The following EPHA6 variants were observed in gnomAD, a reference collection of about 807,000 sequenced individuals.
EPHA6 encodes ephrin type-A receptor 6.
A neutral mutation model predicts 112.0 loss-of-function variants in EPHA6; 50 were observed. The observed-to-expected ratio is 0.45, with a 90% CI of 0.36 to 0.56. The LOEUF (loss-of-function observed/expected upper bound fraction) is 0.56. EPHA6 is among the 20% of genes least tolerant of loss of function. EPHA6 has a pLI of 0.00. For missense variants in EPHA6, 1,280 were observed against 1,417.4 expected (o/e 0.90, Z 1.56); for synonymous variants, 529 against 490.7 (o/e 1.08, Z -1.03).
chr3:97,138,487 G>C (rs911870960), intron 3 of EPHA6, among the ~76,000 whole-genome samples: 1 of 152,150 alleles, frequency 6.6e-6, no homozygotes, highest in Non-Finnish European at 1.5e-5. Context: ...CTGCCTGCCT[G>C]GTCATTCCTG....
chr3:97,224,230 GAC>G (rs1463596952), intron 3 of EPHA6, among the ~76,000 whole-genome samples: 1 of 152,002 alleles, frequency 6.6e-6, no homozygotes, highest in East Asian at 1.9e-4. Flanking sequence ...ATTGCTGTTA[GAC>G]ACAGTGTATT....
intron 3 of EPHA6, among the ~76,000 whole-genome samples, chr3:97,093,329 A>T (rs1161739675): frequency 1.3e-5 from 2 of 152,098 alleles, no homozygotes; most frequent in East Asian, 3.9e-4. Context: ...TGGGTGGATC[A>T]CTTGAGGTCA....
intron 3 of EPHA6, among the ~76,000 whole-genome samples, chr3:97,025,567 A>G (rs541333332): frequency 5.3e-5 from 8 of 152,176 alleles, no homozygotes; most frequent in Non-Finnish European, 8.8e-5. Flanking sequence ...CTATGTCCTC[A>G]GTGGTATTTA....
chr3:97,582,398 G>A (rs1306087229), intron 11 of EPHA6, among the ~76,000 whole-genome samples: 1 of 152,064 alleles, frequency 6.6e-6, no homozygotes. Flanking sequence ...TAACTGAAGA[G>A]TGACATAATC....
At chr3:97,344,711 AT>A (rs2083456240) in intron 5 of EPHA6, among the ~76,000 whole-genome samples, 1 of 152,072 alleles carries the variant, frequency 6.6e-6, no homozygotes, top group Non-Finnish European at 1.5e-5. Flanking sequence ...TCAGTACGTG[AT>A]ATTGTCTGTC....
intron 2 of EPHA6, among the ~76,000 whole-genome samples, chr3:96,929,367 C>T (rs920869653): frequency 1.3e-5 from 2 of 152,156 alleles, no homozygotes; most frequent in African/African-American, 4.8e-5. Flanking sequence ...ATATTGGCTG[C>T]TAATGGTTTT....
At chr3:97,651,985 G>C (rs1000075383) in intron 14 of EPHA6, among the ~76,000 whole-genome samples, 3 of 151,918 alleles carry the variant, frequency 2.0e-5, no homozygotes, top group African/African-American at 7.2e-5. Flanking sequence ...CCAATAGGTA[G>C]TTTTCAACCC....
At chr3:97,566,593 C>T (rs1407904090) in intron 11 of EPHA6, among the ~76,000 whole-genome samples, 1 of 152,102 alleles carries the variant, frequency 6.6e-6, no homozygotes, top group Non-Finnish European at 1.5e-5. Flanking sequence ...TTTGTCAGGG[C>T]TCTGTTAGTG....
At chr3:97,431,656 T>C (rs1039444089) in intron 6 of EPHA6, among the ~76,000 whole-genome samples, 4 of 152,148 alleles carry the variant, frequency 2.6e-5, no homozygotes, top group South Asian at 2.1e-4. Context: ...ACTCCTGTTA[T>C]CCACAACTCC....
At chr3:97,513,500 AG>A (rs2092399590) in intron 10 of EPHA6, among the ~76,000 whole-genome samples, 1 of 152,218 alleles carries the variant, frequency 6.6e-6, no homozygotes, top group African/African-American at 2.4e-5. Flanking sequence ...AGCCATAGAA[AG>A]AAGGAAATCC....
chr3:97,668,911 CAAAAAAAAAAAA>C (rs397990599), intron 14 of EPHA6, among the ~76,000 whole-genome samples: 27 of 31,916 alleles, frequency 8.5e-4, no homozygotes, highest in African/African-American at 2.3e-3. Context: ...GACTCTGTCT[CAAAAAAAAAAAA>C]AAAAAAAAAA....
intron 3 of EPHA6, among the ~76,000 whole-genome samples, chr3:97,188,833 ATATG>A (rs551319472): frequency 6.3e-4 from 96 of 152,102 alleles, no homozygotes; most frequent in African/African-American, 2.2e-3. Flanking sequence ...GTGGATATAC[ATATG>A]TTTATAAAAG....
intron 3 of EPHA6, among the ~76,000 whole-genome samples, chr3:97,112,058 TG>T (rs1456598714): frequency 6.6e-6 from 1 of 152,176 alleles, no homozygotes; most frequent in Non-Finnish European, 1.5e-5. Flanking sequence ...TTCCAAATTG[TG>T]TTGCTGCCTA....
At chr3:97,307,055 A>G (rs1423922933) in intron 5 of EPHA6, among the ~76,000 whole-genome samples, 2 of 151,836 alleles carry the variant, frequency 1.3e-5, no homozygotes, top group African/African-American at 4.8e-5. Flanking sequence ...TATTTGTTAT[A>G]AATTTATTCT....
At chr3:97,735,054 C>G (rs1340481152) in intron 15 of EPHA6, among the ~76,000 whole-genome samples, 4 of 151,986 alleles carry the variant, frequency 2.6e-5, no homozygotes, top group Non-Finnish European at 5.9e-5. Context: ...TTCCCGAGAG[C>G]TGCACTGTTC....
intron 5 of EPHA6, among the ~76,000 whole-genome samples, chr3:97,404,046 CAT>C (rs2087169046): frequency 1.3e-5 from 2 of 152,132 alleles, no homozygotes; most frequent in Non-Finnish European, 2.9e-5. Flanking sequence ...GTGGATATAG[CAT>C]AGTTTTTCAA....
rs1342261700 is a variant in EPHA6 at position 97,680,082 on chromosome 3, T to G, written c.2785-40179T>G. On this transcript the variant is annotated intron_variant, in intron 14 of 17. Transcript: ENST00000389672. ...TACTTCTTATGTCTTTGAGGTCTTA[T>G]AGAGTTTTAATGAAAATCTCTGTCA... Among the ~76,000 whole-genome samples, 6 of 152,300 alleles carry G rather than the reference T, an allele frequency of 3.9e-5. No individual in the cohort carries two copies. In the South Asian group the frequency reaches 1.2e-3, roughly 32 times the overall value.
intron 2 of EPHA6, among the ~76,000 whole-genome samples, chr3:96,940,514 C>G (rs1422267702): frequency 6.6e-6 from 1 of 152,080 alleles, no homozygotes; most frequent in Non-Finnish European, 1.5e-5. Context: ...GATGGGTTTC[C>G]TGAATACAGC....
intron 10 of EPHA6, among the ~76,000 whole-genome samples, chr3:97,490,115 AT>A (rs1337680855): frequency 7.2e-5 from 11 of 152,314 alleles, no homozygotes; most frequent in South Asian, 6.2e-4. Context: ...ATTTAAAAAA[AT>A]AATGAGTAAA....
Sources: gnomAD v4.1 joint callset for allele counts (sites outside exome capture counted in the v4.1 genomes callset) on GRCh38, gnomAD v4.1.1 for gene constraint, MANE v1.5 for transcripts, NCBI Gene and HGNC (gene_info 2026-07-23, HGNC 2026-07-21) for gene names.